BLOC1S1: variants seen among roughly 807,000 people sequenced by gnomAD.
BLOC1S1 encodes the protein biogenesis of lysosomal organelles complex 1 subunit 1.
In BLOC1S1, 11 loss-of-function variants were observed where a neutral mutation model predicts 19.0. The observed-to-expected ratio is 0.58, with a 90% CI of 0.37 to 0.96. BLOC1S1 has a LOEUF of 0.96. BLOC1S1 is among the 40% of genes least tolerant of loss of function. BLOC1S1 has a pLI of 0.01. For synonymous variants in BLOC1S1, 94 were observed against 76.4 expected (o/e 1.23, Z -1.20); for missense variants, 220 against 195.9 (o/e 1.12, Z -0.73).
chr12:55,717,305 TCCAGCTGTCACTTCA>T (rs1388103030), intron 2 of BLOC1S1, among the ~76,000 whole-genome samples: 3 of 152,182 alleles, frequency 2.0e-5, no homozygotes, highest in African/African-American at 4.8e-5. Context: ...CCCTTCCAAG[TCCAGCTGTCACTTCA>T]GCAGGAGGGA....
chr12:55,719,268 T>C (rs754214903), intron 3 of BLOC1S1, 45 bp downstream of exon 3: 3 of 1,613,882 alleles, frequency 1.9e-6, no homozygotes, highest in Non-Finnish European at 2.5e-6. Flanking sequence ...TGGGCCCCCA[T>C]TGGCTGCCTC....
At chr12:55,716,692 T>A (rs539310358) in intron 1 of BLOC1S1, 41 of 1,308,038 alleles carry the variant, frequency 3.1e-5, no homozygotes, top group Non-Finnish European at 4.0e-5. Flanking sequence ...TCCTGGGCGC[T>A]GCCGCTGACT....
At chr12:55,717,968 C>T (rs1416706794) in intron 2 of BLOC1S1, among the ~76,000 whole-genome samples, 5 of 152,156 alleles carry the variant, frequency 3.3e-5, no homozygotes, top group Admixed American at 2.0e-4. Context: ...ACAGGGTCTG[C>T]CCTCCCATTT....
intron 2 of BLOC1S1, among the ~76,000 whole-genome samples, chr12:55,718,677 C>T (rs1876754832): frequency 6.6e-6 from 1 of 152,126 alleles, no homozygotes; most frequent in African/African-American, 2.4e-5. Context: ...GCCCAATTTC[C>T]CTCTCCAACT....
intron 2 of BLOC1S1, among the ~76,000 whole-genome samples, chr12:55,718,492 A>ATGTGTGTGTGTGTGTG (rs5798357): frequency 4.7e-5 from 7 of 149,916 alleles, no homozygotes; most frequent in African/African-American, 1.7e-4. Flanking sequence ...GAGGGAGAGC[A>ATGTGTGTGTGTGTGTG]TGTGTGTGTG....
chr12:55,717,113 T>C (rs1876620405), intron 2 of BLOC1S1, 108 bp downstream of exon 2: 2 of 857,264 alleles, frequency 2.3e-6, no homozygotes, highest in Non-Finnish European at 3.5e-6. Flanking sequence ...GATGTTCCAC[T>C]AATTCCCCTA....
chr12:55,717,298 T>C (rs1876637308), intron 2 of BLOC1S1, among the ~76,000 whole-genome samples: 1 of 152,158 alleles, frequency 6.6e-6, no homozygotes, highest in South Asian at 2.1e-4. Context: ...CCCTTCACCC[T>C]TCCAAGTCCA....
At chr12:55,718,512 G>GTGTT (rs1347397970) in intron 2 of BLOC1S1, among the ~76,000 whole-genome samples, 2 of 151,826 alleles carry the variant, frequency 1.3e-5, no homozygotes, top group East Asian at 3.9e-4. Flanking sequence ...GTGTGTGTGT[G>GTGTT]TGTGTTTGTG....
At chr12:55,716,734 CCCA>C in intron 1 of BLOC1S1, 196 bp from the exon 2 acceptor site, 1 of 1,287,790 alleles carries the variant, frequency 7.8e-7, no homozygotes, top group South Asian at 2.0e-5. Flanking sequence ...CCATTTCCCT[CCCA>C]GGGTACCAGT....
Position 55,719,589 on chromosome 12 carries a change from C to T in BLOC1S1, c.442C>T (p.Leu148=), listed in dbSNP as rs1179973046. ...ACTGGAATATGTCTACAAAGGGCAG[C>T]TGCAGTCTGCCCCTTCCTAGCCCCT... is the stretch of plus-strand genomic sequence containing the variant. ...TALEYVYKGQ[L]QSAPS The change falls in exon 4 of 4, where the codon CTG becomes TTG. Residue 148 remains leucine (L), a synonymous_variant. Transcript: ENST00000548925. 1 of 1,614,062 alleles carries T rather than the reference C, an allele frequency of 6.2e-7. No individual in the cohort carries two copies. The highest frequency in any genetic ancestry group is 1.1e-5 in the South Asian group (1 of 91,082).
rs756885065 is a variant in BLOC1S1 at position 55,716,130 on chromosome 12, G to A, written c.79G>A (p.Val27Met). Reference protein sequence around the residue: ...GPGVPSPQPDVTMLSRLLKEH... With the variant: ...GPGVPSPQPDMTMLSRLLKEH... Reference sequence around the variant, plus strand: ...CGGCGTACCCAGCCCCCAGCCCGACGTGACCATGCTGTCCCGCCTCCTAAA... The same window carrying A: ...CGGCGTACCCAGCCCCCAGCCCGACATGACCATGCTGTCCCGCCTCCTAAA... Residue 27 changes from valine (V) to methionine (M), a missense_variant, in exon 1 of 4, where the codon GTG becomes ATG. Transcript: ENST00000548925. 5 of 1,610,952 alleles carry A rather than the reference G, an allele frequency of 3.1e-6. No individual in the cohort carries two copies. The highest frequency in any genetic ancestry group is 2.2e-5 in the South Asian group (2 of 90,604).
Position 55,719,571 on chromosome 12 carries a change from T to C in BLOC1S1, c.424T>C (p.Tyr142His). 3 of 1,614,158 alleles carry C rather than the reference T, an allele frequency of 1.9e-6. No homozygotes were observed. The highest frequency in any genetic ancestry group is 2.5e-6 in the Non-Finnish European group (3 of 1,180,020). ...GCGCACCATTGCCACTGCACTGGAA[T>C]ATGTCTACAAAGGGCAGCTGCAGTC... Reference protein sequence around the residue: ...DMRTIATALEYVYKGQLQSAP... With the variant: ...DMRTIATALEHVYKGQLQSAP... The change falls in exon 4 of 4, where the codon TAT becomes CAT. Residue 142 changes from tyrosine to histidine, a missense_variant. Coordinates refer to ENST00000548925, the MANE Select transcript of BLOC1S1 (RefSeq NM_001487.4).
At chr12:55,716,741 T>A in intron 1 of BLOC1S1, 192 bp from the exon 2 acceptor site, 1 of 1,275,818 alleles carries the variant, frequency 7.8e-7, no homozygotes, top group Non-Finnish European at 1.0e-6. Flanking sequence ...CCTCCCAGGG[T>A]ACCAGTTTCC....
Position 55,716,062 on chromosome 12 carries a change from G to GGAGCCGAGGT in BLOC1S1, c.16_25dup (p.Arg9ProfsTer3), listed in dbSNP as rs1876491187. Reference sequence around the variant, plus strand: ...CAGCGGTCACGTGACATGGCCCCGGGGAGCCGAGGTGAGCGTTCCAGCTTC... The same window carrying GGAGCCGAGGT: ...CAGCGGTCACGTGACATGGCCCCGGGGAGCCGAGGTGAGCCGAGGTGAGCGTTCCAGCTTC... On this transcript the variant is annotated frameshift_variant, in exon 1 of 4. Transcript: ENST00000548925. LOFTEE classifies it high-confidence loss of function. 1 of 1,560,938 alleles carries GGAGCCGAGGT rather than the reference G, an allele frequency of 6.4e-7. No homozygotes were observed. Among genetic ancestry groups the GGAGCCGAGGT allele is most frequent in the Non-Finnish European group, 8.7e-7 (1 of 1,153,676 alleles).
intron 1 of BLOC1S1, chr12:55,716,605 C>T (rs1400192158): frequency 1.6e-6 from 2 of 1,221,844 alleles, no homozygotes; most frequent in African/African-American, 3.2e-5. Context: ...CACTTGTTTC[C>T]TGAGTCCGGG....
chr12:55,719,115 G>T lies in BLOC1S1; in HGVS notation c.243G>T (p.Gln81His), dbSNP rs759262563. ...GTGTGGCCCAGGCCTACATGAACCAGAGAAAGCTGGACCATGAGGTGAAGA... is the reference window on the plus strand; with the variant it reads ...GTGTGGCCCAGGCCTACATGAACCATAGAAAGCTGGACCATGAGGTGAAGA... ...NVGVAQAYMN[Q>H]RKLDHEVKTL... The change falls in exon 3 of 4, where the codon CAG becomes CAT. Residue 81 changes from glutamine (Q) to histidine (H), a missense_variant. Coordinates refer to ENST00000548925, the MANE Select transcript of BLOC1S1 (RefSeq NM_001487.4). The T allele has an allele frequency of 6.2e-7, 1 of 1,613,982 alleles. No individual in the cohort carries two copies.
Position 55,716,102 on chromosome 12 carries a change from G to A in BLOC1S1, c.51G>A (p.Gly17=), listed in dbSNP as rs369905868. 2.5e-6 allele frequency: 4 copies of A among 1,598,714 alleles called. No homozygotes were observed. The highest frequency in any genetic ancestry group is 3.4e-6 in the Non-Finnish European group (4 of 1,173,214). The change falls in exon 1 of 4, where the codon GGG becomes GGA. Residue 17 remains glycine, a synonymous_variant. Transcript: ENST00000548925. ...GTTCCAGCTTCCGGAGCCGGAGGGG[G>A]CCCGGCGTACCCAGCCCCCAGCCCG... The part of the protein sequence containing the change: ...GERSSFRSRR[G]PGVPSPQPDV...
At chr12:55,716,472 T>A in intron 1 of BLOC1S1, 2 of 1,306,826 alleles carry the variant, frequency 1.5e-6, no homozygotes, top group Non-Finnish European at 1.9e-6. Flanking sequence ...GCGCCCTGCC[T>A]ATTGGCCCTG....
rs1256277488 is a variant in BLOC1S1, at chr12:55,719,563, C to A, written c.416C>A (p.Ala139Glu). The change falls in exon 4 of 4, where the codon GCA (alanine) becomes GAA (glutamate). Residue 139 changes from alanine (A) to glutamate (E), a missense_variant. Coordinates refer to ENST00000548925, the MANE Select transcript of BLOC1S1 (RefSeq NM_001487.4). ...CTGGACATGCGCACCATTGCCACTG[C>A]ACTGGAATATGTCTACAAAGGGCAG... ...IELDMRTIATALEYVYKGQLQ... is the reference protein window; with the variant it reads ...IELDMRTIATELEYVYKGQLQ... 2.5e-6 allele frequency: 4 copies of A among 1,614,182 alleles called. No individual in the cohort carries two copies. In the African/African-American group the frequency reaches 4.0e-5, roughly 16 times the overall value.
Sources: allele counts gnomAD v4.1 joint callset (sites outside exome capture counted in the v4.1 genomes callset), GRCh38; gene constraint gnomAD v4.1.1; transcripts MANE v1.5; gene names NCBI Gene and HGNC (gene_info 2026-07-23, HGNC 2026-07-21).